The following CASK variants were observed in gnomAD, a reference collection of about 807,000 sequenced individuals.
CASK encodes the protein calcium/calmodulin dependent serine protein kinase, also known as peripheral plasma membrane protein CASK.
Under a neutral mutation model 82.9 loss-of-function variants are expected in CASK, and 4 were observed. That is an observed-to-expected ratio of 0.05 (90% CI 0.02 to 0.11). The LOEUF is 0.11. Among genes scored for constraint, CASK ranks in the 10% least tolerant of loss-of-function variants. The probability of loss-of-function intolerance (pLI) is 1.00; values close to 1 mark genes in which losing one functional copy is unlikely to be tolerated. For missense variants in CASK, 358 were observed against 720.9 expected (o/e 0.50, Z 5.76); for synonymous variants, 259 against 253.5 (o/e 1.02, Z -0.20).
chrX:41,727,928 G>C (rs2068296348), intron 5 of CASK: 1 of 1,189,152 alleles, frequency 8.4e-7, no homozygotes, highest in Non-Finnish European at 1.1e-6. Context: ...GCTTCGGCCA[G>C]AAGTAGCACA....
intron 5 of CASK, among the ~76,000 whole-genome samples, chrX:41,720,058 A>G (rs2068136610): frequency 8.8e-6 from 1 of 113,281 alleles, no homozygotes; most frequent in Admixed American, 9.3e-5. Context: ...AAAGTCTTCG[A>G]AGAGGAACCT....
chrX:41,561,349 G>A (rs1406203068), intron 17 of CASK, among the ~76,000 whole-genome samples: 1 of 111,272 alleles, frequency 9.0e-6, no homozygotes, highest in Non-Finnish European at 1.9e-5. Context: ...AGCCCACACT[G>A]CTAAAGACAG....
chrX:41,603,454 T>C (rs1012405808), intron 12 of CASK, among the ~76,000 whole-genome samples: 60 of 111,920 alleles, frequency 5.4e-4, no homozygotes, highest in Non-Finnish European at 1.1e-4. Flanking sequence ...TAACTCTCCC[T>C]AAACGGTAAA....
At chrX:41,644,770 G>A (rs144684162) in intron 8 of CASK, among the ~76,000 whole-genome samples, 2 of 111,501 alleles carry the variant, frequency 1.8e-5, no homozygotes, top group Admixed American at 1.9e-4. Flanking sequence ...CTTTGAACTG[G>A]CCCCCTTGAG....
intron 8 of CASK, among the ~76,000 whole-genome samples, chrX:41,637,283 T>C (rs1193601046): frequency 9.4e-6 from 1 of 106,621 alleles, no homozygotes; most frequent in Non-Finnish European, 1.9e-5. Context: ...ATTTGCCAGG[T>C]AAAACAAGCA....
chrX:41,604,096 T>C (rs1238239073), intron 12 of CASK, among the ~76,000 whole-genome samples: 1 of 109,640 alleles, frequency 9.1e-6, no homozygotes, highest in Non-Finnish European at 1.9e-5. Context: ...TTAACACCAA[T>C]TCCCAATAAA....
At chrX:41,690,005 G>A (rs1396754351) in intron 5 of CASK, among the ~76,000 whole-genome samples, 1 of 111,022 alleles carries the variant, frequency 9.0e-6, no homozygotes, top group African/African-American at 3.3e-5. Flanking sequence ...GTGGTGGTGC[G>A]GGGGTACAAT....
At chrX:41,855,451 T>C (rs1473501362) in intron 1 of CASK, among the ~76,000 whole-genome samples, 1 of 111,740 alleles carries the variant, frequency 8.9e-6, no homozygotes, top group Non-Finnish European at 1.9e-5. Context: ...GTTTTTGCGA[T>C]TTAACCCATT....
At chrX:41,650,203 T>A (rs2066841668) in intron 8 of CASK, among the ~76,000 whole-genome samples, 1 of 111,848 alleles carries the variant, frequency 8.9e-6, no homozygotes, top group Admixed American at 9.5e-5. Flanking sequence ...TGACTCTTTA[T>A]CCAATTTGCC....
intron 2 of CASK, among the ~76,000 whole-genome samples, chrX:41,816,411 T>C (rs1428241719): frequency 1.1e-4 from 12 of 111,122 alleles, no homozygotes; most frequent in African/African-American, 3.9e-4. Context: ...AGTTGAACAA[T>C]ACTATTAACT....
chrX:41,608,458 T>C (rs1378511940), intron 12 of CASK, among the ~76,000 whole-genome samples: 1 of 112,120 alleles, frequency 8.9e-6, no homozygotes, highest in African/African-American at 3.2e-5. Context: ...AATTTTGCTT[T>C]AGCTTCATTT....
chrX:41,566,452 G>A (rs1390953939), intron 16 of CASK, among the ~76,000 whole-genome samples: 2 of 110,719 alleles, frequency 1.8e-5, no homozygotes, highest in Admixed American at 1.9e-4. Flanking sequence ...CAGACAAATA[G>A]AGAGCCAAAT....
chrX:41,609,668 C>T lies in CASK; in HGVS notation c.1155+236G>A, dbSNP rs772997600. On this transcript the variant is annotated intron_variant, in intron 12 of 26. Transcript: ENST00000378163. ...CGGGTTCAAGTGATTCTTGTGCCTC[C>T]GCCTCCTCAGCTCAGTCCTAACTGG... Among the ~76,000 whole-genome samples, 6 of 108,950 alleles carry T rather than the reference C, an allele frequency of 5.5e-5. 1 individual carries two copies. The East Asian group carries it at 1.7e-3, about 31-fold the overall frequency. The allele number at this position is 108,950 out of a possible 115,157, so 94.6% of individuals were successfully genotyped here.
chrX:41,727,301 A>G (rs2068278539), intron 5 of CASK: 1 of 1,209,267 alleles, frequency 8.3e-7, no homozygotes, highest in Non-Finnish European at 1.1e-6. Flanking sequence ...AGAGTGGTCA[A>G]TTTTCTGGGA....
In CASK at chrX:41,696,937, TACTA is replaced by T. The variant is rs202023921; in HGVS notation, c.430-25411_430-25408del. ...TGCTTAACTGTAAACCATTTCAAGG[TACTA>T]ACTTTTAAATCTGTATGTAAAATCT... On this transcript the variant is annotated intron_variant, in intron 5 of 26. Transcript: ENST00000378163. The T allele has an allele frequency of 3.4e-3, 1,246 of 368,968 alleles. 18 individuals carry two copies. The highest frequency in any genetic ancestry group is 0.03 in the African/African-American group (1,161 of 38,953). The allele number at this position is 368,968 out of a possible 1,213,427, so 30.4% of individuals were successfully genotyped here.
At chrX:41,713,996 T>C (rs1430356760) in intron 5 of CASK, among the ~76,000 whole-genome samples, 1 of 111,458 alleles carries the variant, frequency 9.0e-6, no homozygotes, top group African/African-American at 3.3e-5. Flanking sequence ...TGACCAACAA[T>C]TACTTGGAGC....
At chrX:41,857,118 C>T (rs1031534251) in intron 1 of CASK, among the ~76,000 whole-genome samples, 2 of 111,315 alleles carry the variant, frequency 1.8e-5, no homozygotes, top group South Asian at 3.9e-4. Flanking sequence ...CCTGCACCTT[C>T]GGAGCTCTCT....
intron 3 of CASK, among the ~76,000 whole-genome samples, chrX:41,776,415 C>A (rs906121202): frequency 1.8e-5 from 2 of 112,736 alleles, no homozygotes; most frequent in Non-Finnish European, 3.7e-5. Flanking sequence ...TTAGCAAACT[C>A]TAAGATCAGA....
intron 1 of CASK, among the ~76,000 whole-genome samples, chrX:41,915,661 C>T (rs2072661417): frequency 9.1e-6 from 1 of 109,590 alleles, no homozygotes; most frequent in Non-Finnish European, 1.9e-5. Context: ...GTCAGGAGTT[C>T]GAGACCAGCC....
Sources: allele counts gnomAD v4.1 joint callset (sites outside exome capture counted in the v4.1 genomes callset), GRCh38; gene constraint gnomAD v4.1.1; transcripts MANE v1.5; gene names NCBI Gene and HGNC (gene_info 2026-07-23, HGNC 2026-07-21).